The following SLAMF6 variants were observed in gnomAD, a reference collection of about 807,000 sequenced individuals.
The protein encoded by SLAMF6 is NK-T-B-antigen.
A neutral mutation model predicts 38.3 loss-of-function variants in SLAMF6; 21 were observed. The observed-to-expected ratio is 0.55, with a 90% CI of 0.39 to 0.79. The LOEUF is 0.79. Among genes scored for constraint, SLAMF6 ranks in the 30% least tolerant of loss-of-function variants. SLAMF6 has a pLI of 0.00. For missense variants in SLAMF6, 341 were observed against 385.3 expected (o/e 0.89, Z 0.96); for synonymous variants, 152 against 146.3 (o/e 1.04, Z -0.28).
At chr1:160,508,079 C>A (rs547921789) in intron 1 of SLAMF6, among the ~76,000 whole-genome samples, 18 of 152,224 alleles carry the variant, frequency 1.2e-4, no homozygotes, top group African/African-American at 4.3e-4. Flanking sequence ...AATGGCCATA[C>A]TGCCCAAGGT....
chr1:160,498,420 T>C (rs748188276), intron 1 of SLAMF6, among the ~76,000 whole-genome samples: 3 of 152,144 alleles, frequency 2.0e-5, no homozygotes, highest in Non-Finnish European at 4.4e-5. Flanking sequence ...CAGTTCCCCA[T>C]GGCTGGGGAG....
chr1:160,502,198 C>A (rs1240655743), intron 1 of SLAMF6, among the ~76,000 whole-genome samples: 1 of 152,168 alleles, frequency 6.6e-6, no homozygotes, highest in Non-Finnish European at 1.5e-5. Flanking sequence ...AGCAGGGCAT[C>A]TAAATGGCTC....
intron 1 of SLAMF6, among the ~76,000 whole-genome samples, chr1:160,506,079 A>C (rs1203462819): frequency 6.6e-6 from 1 of 152,158 alleles, no homozygotes; most frequent in Admixed American, 6.5e-5. Context: ...GCAGAGAGAG[A>C]GAAAAGGGCA....
chr1:160,498,468 G>A (rs1653712771), intron 1 of SLAMF6, among the ~76,000 whole-genome samples: 1 of 152,172 alleles, frequency 6.6e-6, no homozygotes, highest in Non-Finnish European at 1.5e-5. Context: ...GGTGAAGGAG[G>A]AGCAAAGTCA....
chr1:160,498,282 C>T (rs1188701939), intron 1 of SLAMF6, among the ~76,000 whole-genome samples: 1 of 152,056 alleles, frequency 6.6e-6, no homozygotes, highest in East Asian at 1.9e-4. Context: ...TGTTCTCTTC[C>T]AGCTGTCATT....
intron 6 of SLAMF6, among the ~76,000 whole-genome samples, chr1:160,488,090 CAA>C (rs1170761955): frequency 4.7e-5 from 3 of 64,032 alleles, no homozygotes; most frequent in Non-Finnish European, 6.6e-5. Context: ...CACTCTGTCT[CAA>C]AAAAAAAAAA....
At chr1:160,522,443 ACTTTGTCTC>A (rs1655025537) in intron 1 of SLAMF6, among the ~76,000 whole-genome samples, 1 of 152,142 alleles carries the variant, frequency 6.6e-6, no homozygotes, top group Admixed American at 6.6e-5. Context: ...TGAATGCTAC[ACTTTGTCTC>A]CCGTGGACCA....
intron 1 of SLAMF6, among the ~76,000 whole-genome samples, chr1:160,505,203 A>G (rs1654119529): frequency 6.6e-6 from 1 of 152,206 alleles, no homozygotes; most frequent in Admixed American, 6.5e-5. Context: ...AACCCAGAGC[A>G]AGGAACAAAA....
intron 1 of SLAMF6, among the ~76,000 whole-genome samples, chr1:160,497,905 G>C (rs1653678258): frequency 6.6e-6 from 1 of 152,096 alleles, no homozygotes; most frequent in African/African-American, 2.4e-5. Flanking sequence ...GGTTGATTCT[G>C]TGTCTTTGCT....
At chr1:160,492,717 CCTT>C (rs1653368795) in intron 2 of SLAMF6, among the ~76,000 whole-genome samples, 1 of 152,204 alleles carries the variant, frequency 6.6e-6, no homozygotes, top group Non-Finnish European at 1.5e-5. Flanking sequence ...CTCTCCCAAA[CCTT>C]CTCAACCTGC....
At chr1:160,520,465 C>T (rs1654932627) in intron 1 of SLAMF6, among the ~76,000 whole-genome samples, 1 of 152,170 alleles carries the variant, frequency 6.6e-6, no homozygotes, top group Non-Finnish European at 1.5e-5. Context: ...AATGCAGAAT[C>T]TCAGTCCCTA....
At chr1:160,487,218 G>C (rs759885297) in intron 6 of SLAMF6, 43 bp from the exon 7 acceptor site, 52 of 1,491,964 alleles carry the variant, frequency 3.5e-5, no homozygotes, top group Non-Finnish European at 4.7e-5. Flanking sequence ...CAGAGACAAA[G>C]AGATTAATGC....
chr1:160,490,050 G>C, intron 5 of SLAMF6, 148 bp downstream of exon 5: 1 of 900,994 alleles, frequency 1.1e-6, no homozygotes, highest in Non-Finnish European at 1.8e-6. Flanking sequence ...CATGATTACA[G>C]ATCATCTCCC....
intron 5 of SLAMF6, 110 bp downstream of exon 5, chr1:160,490,087 CA>C: frequency 1.6e-6 from 2 of 1,243,120 alleles, no homozygotes; most frequent in Non-Finnish European, 2.4e-6. Flanking sequence ...TGAGTAATGA[CA>C]TTCTGACTCC....
At chr1:160,509,288 A>G (rs1353493728) in intron 1 of SLAMF6, among the ~76,000 whole-genome samples, 1 of 152,240 alleles carries the variant, frequency 6.6e-6, no homozygotes, top group Non-Finnish European at 1.5e-5. Context: ...GATTAAGAAA[A>G]TGTGGCACAT....
chr1:160,509,662 AAAG>A (rs1476580096), intron 1 of SLAMF6, among the ~76,000 whole-genome samples: 7 of 152,290 alleles, frequency 4.6e-5, no homozygotes, highest in Admixed American at 1.3e-4. Context: ...TTAAAAAAAT[AAAG>A]AAGGAGGAAA....
intron 1 of SLAMF6, among the ~76,000 whole-genome samples, chr1:160,502,381 T>C (rs1349350159): frequency 6.6e-6 from 1 of 152,204 alleles, no homozygotes; most frequent in Non-Finnish European, 1.5e-5. Flanking sequence ...TGCTGAGGTC[T>C]TGCCCATCCA....
chr1:160,506,265 A>G (rs2102048235), intron 1 of SLAMF6, among the ~76,000 whole-genome samples: 1 of 152,194 alleles, frequency 6.6e-6, no homozygotes, highest in East Asian at 1.9e-4. Context: ...CTCAAATGCA[A>G]CAAGAGAAAG....
chr1:160,495,732 T>A (rs921473560), intron 2 of SLAMF6, among the ~76,000 whole-genome samples: 13 of 152,104 alleles, frequency 8.5e-5, no homozygotes, highest in Non-Finnish European at 1.3e-4. Flanking sequence ...CCTCATGGAG[T>A]CTTTGTGAGA....
Sources: allele counts gnomAD v4.1 joint callset (sites outside exome capture counted in the v4.1 genomes callset), GRCh38; gene constraint gnomAD v4.1.1; transcripts MANE v1.5; gene names NCBI Gene and HGNC (gene_info 2026-07-23, HGNC 2026-07-21).